CPAMD8: variants seen among roughly 807,000 people sequenced by gnomAD.
The protein encoded by CPAMD8 is C3 and PZP-like alpha-2-macroglobulin domain-containing protein 8.
In CPAMD8, 146 loss-of-function variants were observed where a neutral mutation model predicts 224.7. The observed-to-expected ratio is 0.65, with a 90% CI of 0.57 to 0.75. CPAMD8 has a LOEUF of 0.75. Ranked by LOEUF, CPAMD8 falls within the 30% of genes least tolerant of loss-of-function variation. CPAMD8 has a pLI of 0.00. For missense variants in CPAMD8, 2,301 were observed against 2,537.5 expected, an observed-to-expected ratio of 0.91 and a Z score of 2.00; for synonymous variants, 966 against 1,044.6, an observed-to-expected ratio of 0.92 and a Z score of 1.45.
At chr19:16,902,471 C>G (rs951953008) in intron 35 of CPAMD8, among the ~76,000 whole-genome samples, 178 bp downstream of exon 35, 4 of 152,022 alleles carry the variant, frequency 2.6e-5, no homozygotes, top group African/African-American at 9.7e-5. Flanking sequence ...GAGCCGAGAT[C>G]GCACCATTGC....
In CPAMD8 at chr19:16,945,489, G is replaced by A. The variant is rs2054038921; in HGVS notation, c.2793+60C>T. On this transcript the variant is annotated intron_variant, in intron 22 of 41. Coordinates refer to ENST00000443236, the MANE Select transcript of CPAMD8 (RefSeq NM_015692.5). ...AGACCACACACTCCAGCTGGGCCCA[G>A]CTTCATGGCTGAAGGAATGAGGCCC... is the stretch of plus-strand genomic sequence containing the variant. 1.9e-6 allele frequency: 3 copies of A among 1,584,800 alleles called. No individual in the cohort carries two copies. The Admixed American group carries it at 5.1e-5, about 27-fold the overall frequency.
chr19:16,999,893 G>T (rs1246499403), intron 10 of CPAMD8, among the ~76,000 whole-genome samples: 2 of 151,946 alleles, frequency 1.3e-5, no homozygotes, highest in African/African-American at 4.8e-5. Flanking sequence ...GGTCAGGCTG[G>T]TCTCGAATTC....
chr19:16,898,838 A>T lies in CPAMD8; in HGVS notation c.4848+637T>A, dbSNP rs1293072051. 6.6e-6 allele frequency among the ~76,000 whole-genome samples: 1 copy of T among 151,858 alleles called. No individual in the cohort carries two copies. Among genetic ancestry groups the T allele is most frequent in the Non-Finnish European group, 1.5e-5 (1 of 67,990 alleles). ...GCGGCCCCTCCCTGCTTTTTCTACC[A>T]ACTGCCATCAGCCGAGGGCACAGAG... On this transcript the variant is annotated intron_variant, in intron 37 of 41. Coordinates refer to ENST00000443236, the MANE Select transcript of CPAMD8 (RefSeq NM_015692.5). This position sits in a 1 kb window ranked among gnomAD's most constrained non-coding sequence, Gnocchi z 4.2.
intron 3 of CPAMD8, among the ~76,000 whole-genome samples, chr19:17,019,953 CT>C (rs11307564): frequency 0.19 from 23,791 of 122,902 alleles, 2,159 homozygotes; most frequent in East Asian, 0.28. Flanking sequence ...CAATTCAATT[CT>C]TTTTTTTTTT....
intron 3 of CPAMD8, among the ~76,000 whole-genome samples, chr19:17,014,087 C>G (rs1306718673): frequency 6.9e-6 from 1 of 145,128 alleles, no homozygotes; most frequent in African/African-American, 2.5e-5. Context: ...ATATCTTGCT[C>G]TGTCGCCAGA....
chr19:16,918,675 G>T (rs1001786887), intron 27 of CPAMD8, among the ~76,000 whole-genome samples: 4 of 151,286 alleles, frequency 2.6e-5, no homozygotes, highest in Non-Finnish European at 5.9e-5. Context: ...TCCGACTCCT[G>T]GCCTCAAACA....
intron 3 of CPAMD8, among the ~76,000 whole-genome samples, chr19:17,016,224 G>C (rs2056808852): frequency 6.6e-6 from 1 of 152,158 alleles, no homozygotes; most frequent in Non-Finnish European, 1.5e-5. Flanking sequence ...CAAGTAGCTA[G>C]GATTACAGGC....
intron 10 of CPAMD8, among the ~76,000 whole-genome samples, chr19:16,999,339 G>A (rs1000565694): frequency 6.6e-6 from 1 of 152,040 alleles, no homozygotes; most frequent in African/African-American, 2.4e-5. Context: ...CCAGCACTTT[G>A]GGAGGCCGAG....
chr19:16,894,208 T>C (rs891004605), intron 41 of CPAMD8: 4 of 339,256 alleles, frequency 1.2e-5, no homozygotes, highest in African/African-American at 8.6e-5. Context: ...CTGTCCCCCC[T>C]GCACCACACC....
intron 12 of CPAMD8, among the ~76,000 whole-genome samples, chr19:16,991,728 G>A (rs1438441534): frequency 2.0e-5 from 3 of 151,928 alleles, no homozygotes; most frequent in Non-Finnish European, 2.9e-5. Context: ...GGTGGGGGGC[G>A]CCTGTAATCC....
At chr19:16,987,695 G>A (rs932697956) in intron 13 of CPAMD8, among the ~76,000 whole-genome samples, 1 of 152,138 alleles carries the variant, frequency 6.6e-6, no homozygotes, top group Non-Finnish European at 1.5e-5. Context: ...CTGTCACCCA[G>A]GCTGGAGTAC....
intron 12 of CPAMD8, 125 bp from the exon 13 acceptor site, chr19:16,989,896 C>T: frequency 1.1e-6 from 1 of 877,322 alleles, no homozygotes; most frequent in South Asian, 1.5e-5. Context: ...CTTTGGGGAA[C>T]CCCCTCCCCA....
chr19:16,984,238 C>T (rs925556714), intron 13 of CPAMD8, among the ~76,000 whole-genome samples: 1 of 150,340 alleles, frequency 6.7e-6, no homozygotes, highest in Admixed American at 6.7e-5. Context: ...TCACTTGAGC[C>T]CAGGAGGTTG....
At chr19:16,993,351 G>T in intron 12 of CPAMD8, 65 bp downstream of exon 12, 1 of 1,431,472 alleles carries the variant, frequency 7.0e-7, no homozygotes. Flanking sequence ...CCTGCACCCA[G>T]CCTGGGGGAG....
intron 30 of CPAMD8, among the ~76,000 whole-genome samples, chr19:16,906,135 T>C (rs1253475264): frequency 6.6e-6 from 1 of 152,134 alleles, no homozygotes; most frequent in Admixed American, 6.6e-5. Flanking sequence ...AAAGTGATGC[T>C]TGGGGCTGGT....
At chr19:16,964,462 C>A (rs183927744) in intron 18 of CPAMD8, among the ~76,000 whole-genome samples, 2 of 152,286 alleles carry the variant, frequency 1.3e-5, no homozygotes, top group Non-Finnish European at 2.9e-5. Context: ...AATTCCTGGA[C>A]ACATACACCC....
chr19:16,980,450 T>C, intron 14 of CPAMD8, 47 bp downstream of exon 14: 2 of 1,574,180 alleles, frequency 1.3e-6, no homozygotes, highest in South Asian at 2.3e-5. Flanking sequence ...TCAGTCTCAA[T>C]TGTTCAGAAG....
intron 36 of CPAMD8, among the ~76,000 whole-genome samples, chr19:16,900,135 C>T (rs1428016633): frequency 6.6e-6 from 1 of 152,096 alleles, no homozygotes; most frequent in Admixed American, 6.6e-5. Context: ...TCCCCACCCC[C>T]ATGTCCCTCT....
chr19:17,021,499 C>A (rs2056956622), intron 2 of CPAMD8, among the ~76,000 whole-genome samples: 1 of 152,220 alleles, frequency 6.6e-6, no homozygotes, highest in African/African-American at 2.4e-5. Context: ...TCTACCTCCC[C>A]TGGGAGATTA....
Sources: allele counts gnomAD v4.1 joint callset (sites outside exome capture counted in the v4.1 genomes callset), GRCh38; gene constraint gnomAD v4.1.1; non-coding constraint Gnocchi (gnomAD v3.1); transcripts MANE v1.5; gene names NCBI Gene and HGNC (gene_info 2026-07-23, HGNC 2026-07-21).